Variants in TIMMDC1 observed in about 807,000 individuals in gnomAD.
TIMMDC1 encodes translocase of inner mitochondrial membrane domain containing 1.
TIMMDC1 carries 25 observed loss-of-function variants against 32.6 expected under a neutral mutation model. The ratio of observed to expected loss-of-function variants is 0.77; its 90% CI spans 0.56 to 1.07. The LOEUF is 1.07. TIMMDC1 is among the 50% of genes least tolerant of loss of function. The pLI is 0.00. For synonymous variants in TIMMDC1, 130 were observed against 127.6 expected (o/e 1.02, Z -0.13); for missense variants, 329 against 349.2 (o/e 0.94, Z 0.46).
At chr3:119,501,591 T>C (rs1018422197) in intron 2 of TIMMDC1, among the ~76,000 whole-genome samples, 1 of 152,200 alleles carries the variant, frequency 6.6e-6, no homozygotes, top group Non-Finnish European at 1.5e-5. Flanking sequence ...AGTACTATTA[T>C]CTTATTTAAA....
At chr3:119,502,905 T>C (rs2081889699) in intron 2 of TIMMDC1, among the ~76,000 whole-genome samples, 1 of 152,176 alleles carries the variant, frequency 6.6e-6, no homozygotes, top group South Asian at 2.1e-4. Flanking sequence ...ATTATGACTG[T>C]GGTGGCCAAA....
In TIMMDC1 at chr3:119,500,090, T is replaced by C. The variant is rs575663141; in HGVS notation, c.195-605T>C. On this transcript the variant is annotated intron_variant, in intron 1 of 6. Coordinates refer to ENST00000494664, the MANE Select transcript of TIMMDC1 (RefSeq NM_016589.4). ...CAGCCCAGTGCTTTTATTAGTACAG[T>C]CCTATCTGAGTATTTCATGAAATTA... Among the ~76,000 whole-genome samples the C allele has an allele frequency of 2.6e-5, 4 of 152,342 alleles. No homozygotes were observed. The East Asian group carries it at 7.7e-4, about 29-fold the overall frequency.
Position 119,500,790 on chromosome 3 carries a change from T to A in TIMMDC1, c.290T>A (p.Phe97Tyr). The A allele has an allele frequency of 6.2e-7, 1 of 1,614,142 alleles. No homozygotes were observed. The highest frequency in any genetic ancestry group is 8.5e-7 in the Non-Finnish European group (1 of 1,180,008). Reference protein sequence around the residue: ...IGWVYGGIPAFIHAKQQYIEQ... With the variant: ...IGWVYGGIPAYIHAKQQYIEQ... ...TGGGTGTATGGGGGAATACCAGCTT[T>A]TATTCATGCTAAACAACAATACATT... Residue 97 changes from phenylalanine (F) to tyrosine (Y), a missense_variant, in exon 2 of 7, where the codon TTT becomes TAT. Physicochemically the swap from Phe to Tyr is conservative, Grantham distance 22. Transcript: ENST00000494664.
intron 2 of TIMMDC1, among the ~76,000 whole-genome samples, chr3:119,501,695 T>TA (rs1428050612): frequency 6.6e-6 from 1 of 152,206 alleles, no homozygotes; most frequent in East Asian, 1.9e-4. Context: ...GAGTTCTTAT[T>TA]AAAAAATTAA....
At chr3:119,499,816 C>T (rs2081856213) in intron 1 of TIMMDC1, among the ~76,000 whole-genome samples, 1 of 152,226 alleles carries the variant, frequency 6.6e-6, no homozygotes. Flanking sequence ...GCTTCATTAG[C>T]AGTTCTAGCT....
chr3:119,500,678 T>C lies in TIMMDC1; in HGVS notation c.195-17T>C, dbSNP rs2107726018. 7 of 1,606,684 alleles carry C rather than the reference T, an allele frequency of 4.4e-6. No homozygotes were observed. The East Asian group carries it at 1.6e-4, about 36-fold the overall frequency. On this transcript the variant is annotated splice_polypyrimidine_tract_variant and intron_variant, in intron 1 of 6. Transcript: ENST00000494664. The stretch of plus-strand genomic sequence containing the variant: ...CATAAACTAATCCCAAACAACATTG[T>C]CTTTTTGATGTTGTAGTGAACAGCA...
intron 4 of TIMMDC1, among the ~76,000 whole-genome samples, chr3:119,508,403 T>C (rs1043966034): frequency 1.3e-5 from 2 of 152,262 alleles, no homozygotes; most frequent in African/African-American, 4.8e-5. Flanking sequence ...GGCAGCAGTT[T>C]ACCCATGATC....
chr3:119,500,703 A>T lies in TIMMDC1; in HGVS notation c.203A>T (p.Gln68Leu), dbSNP rs1177730296. 1 of 1,613,242 alleles carries T rather than the reference A, an allele frequency of 6.2e-7. No homozygotes were observed. The highest frequency in any genetic ancestry group is 8.5e-7 in the Non-Finnish European group (1 of 1,179,662). ...TCTTTTTGATGTTGTAGTGAACAGC[A>T]GAGAATTTCAAAGGACCTTGCTAAT... ...LRELFGKDEQQRISKDLANIC... is the reference protein window; with the variant it reads ...LRELFGKDEQLRISKDLANIC... Residue 68 changes from glutamine (Q) to leucine (L), a missense_variant, in exon 2 of 7, where the codon CAG (glutamine) becomes CTG (leucine). Gln to Leu is a moderately radical substitution (Grantham distance 113, BLOSUM62 -2). Transcript: ENST00000494664.
chr3:119,500,937 T>C, intron 2 of TIMMDC1, 77 bp downstream of exon 2: 3 of 1,444,830 alleles, frequency 2.1e-6, no homozygotes, highest in Non-Finnish European at 2.8e-6. Flanking sequence ...TTCAATTAGG[T>C]TGTGGGGATG....
intron 2 of TIMMDC1, among the ~76,000 whole-genome samples, chr3:119,502,133 ACTT>A (rs1369540788): frequency 2.0e-5 from 3 of 152,174 alleles, no homozygotes; most frequent in African/African-American, 7.2e-5. Flanking sequence ...AATTTCTACT[ACTT>A]AAATGCTATT....
chr3:119,498,804 C>G lies in TIMMDC1; in HGVS notation c.71C>G (p.Ala24Gly). The G allele has an allele frequency of 6.2e-7, 1 of 1,614,246 alleles. No individual in the cohort carries two copies. Among genetic ancestry groups the G allele is most frequent in the Non-Finnish European group, 8.5e-7 (1 of 1,180,046 alleles). Reference protein sequence around the residue: ...RALCLFPRVFAAEAVTADSEV... With the variant: ...RALCLFPRVFGAEAVTADSEV... ...TTGTGCCTATTTCCCCGAGTCTTTG[C>G]TGCCGAAGCTGTGACTGCCGATTCG... The change falls in exon 1 of 7, where the codon GCT becomes GGT. Residue 24 changes from alanine to glycine, a missense_variant. Coordinates refer to ENST00000494664, the MANE Select transcript of TIMMDC1 (RefSeq NM_016589.4).
At chr3:119,499,612 T>C (rs1455773509) in intron 1 of TIMMDC1, among the ~76,000 whole-genome samples, 2 of 151,678 alleles carry the variant, frequency 1.3e-5, no homozygotes, top group Non-Finnish European at 2.9e-5. Context: ...GAGACAGGAT[T>C]TCACCATTCG....
rs529063400 is a variant in TIMMDC1 at position 119,524,451 on chromosome 3, G to A, written c.*695G>A. On this transcript the variant is annotated 3_prime_UTR_variant, in exon 7 of 7. Transcript: ENST00000494664. Reference sequence around the variant, plus strand: ...TTGAGTTAAGTATTCCTGTCAATACGGGAAACACTGCTAGTACCTTATGTT... The same window carrying A: ...TTGAGTTAAGTATTCCTGTCAATACAGGAAACACTGCTAGTACCTTATGTT... The A allele has an allele frequency of 2.6e-5, 4 of 152,306 alleles. No individual in the cohort carries two copies. The East Asian group carries it at 7.7e-4, about 29-fold the overall frequency. The allele number at this position is 152,306 out of a possible 1,614,324, so 9.4% of individuals were successfully genotyped here.
At chr3:119,519,480 G>A (rs2082009214) in intron 6 of TIMMDC1, among the ~76,000 whole-genome samples, 1 of 134,480 alleles carries the variant, frequency 7.4e-6, no homozygotes, top group South Asian at 2.4e-4. Context: ...AGATAAAATA[G>A]GCTTTAAATA....
chr3:119,511,782 G>A (rs753745226), intron 4 of TIMMDC1, among the ~76,000 whole-genome samples: 3 of 152,120 alleles, frequency 2.0e-5, no homozygotes, highest in Non-Finnish European at 4.4e-5. Context: ...ATTCACAGAC[G>A]TACCACAAAT....
intron 2 of TIMMDC1, among the ~76,000 whole-genome samples, chr3:119,502,543 TTTAA>T (rs1286505289): frequency 3.3e-5 from 5 of 152,058 alleles, no homozygotes; most frequent in Non-Finnish European, 7.4e-5. Flanking sequence ...ATTTTTATTT[TTTAA>T]TTAATTAATT....
At chr3:119,502,638 A>G (rs1384158127) in intron 2 of TIMMDC1, among the ~76,000 whole-genome samples, 1 of 152,000 alleles carries the variant, frequency 6.6e-6, no homozygotes, top group East Asian at 1.9e-4. Flanking sequence ...AGCTCACCAC[A>G]ACCTCAAACT....
At chr3:119,517,530 G>C (rs1262735610) in intron 6 of TIMMDC1, among the ~76,000 whole-genome samples, 1 of 152,166 alleles carries the variant, frequency 6.6e-6, no homozygotes, top group Non-Finnish European at 1.5e-5. Context: ...ATTTAATGAA[G>C]ATCTTTCTTT....
chr3:119,510,905 A>G (rs1222284739), intron 4 of TIMMDC1, among the ~76,000 whole-genome samples: 1 of 152,252 alleles, frequency 6.6e-6, no homozygotes, highest in Non-Finnish European at 1.5e-5. Flanking sequence ...TGAACACAAT[A>G]GCAATGCTGA....
Sources: allele counts gnomAD v4.1 joint callset (sites outside exome capture counted in the v4.1 genomes callset), GRCh38; gene constraint gnomAD v4.1.1; transcripts MANE v1.5; gene names NCBI Gene and HGNC (gene_info 2026-07-23, HGNC 2026-07-21).